Variants in COL25A1 observed in about 807,000 individuals in gnomAD.
COL25A1 encodes the protein collagen alpha-1(XXV) chain.
COL25A1 carries 103 observed loss-of-function variants against 128.4 expected under a neutral mutation model. The observed-to-expected ratio is 0.80, with a 90% CI of 0.68 to 0.94. The LOEUF is 0.94. COL25A1 is among the 40% of genes least tolerant of loss of function. The probability of loss-of-function intolerance (pLI) is 0.00; values close to 1 mark genes in which losing one functional copy is unlikely to be tolerated. For missense variants in COL25A1, 745 were observed against 840.0 expected (o/e 0.89, Z 1.40); for synonymous variants, 279 against 277.2 (o/e 1.01, Z -0.06).
intron 19 of COL25A1, among the ~76,000 whole-genome samples, chr4:108,873,559 T>TAGCAGC (rs1553957387): frequency 1.9e-5 from 2 of 106,234 alleles, no homozygotes; most frequent in African/African-American, 6.0e-5. Context: ...GTAGTAGTAG[T>TAGCAGC]AGCAGCAGTA....
intron 3 of COL25A1, among the ~76,000 whole-genome samples, chr4:109,197,316 A>G (rs1203326744): frequency 7.2e-6 from 1 of 139,792 alleles, no homozygotes; most frequent in Admixed American, 7.8e-5. Context: ...ACAGAGAAAG[A>G]CCCTGTCTCA....
At chr4:109,039,871 T>A (rs1306866378) in intron 5 of COL25A1, among the ~76,000 whole-genome samples, 2 of 152,242 alleles carry the variant, frequency 1.3e-5, no homozygotes, top group Non-Finnish European at 2.9e-5. Context: ...CATCCTTTTT[T>A]CTTTCCTTGA....
At chr4:108,921,699 A>C (rs776915632) in intron 11 of COL25A1, among the ~76,000 whole-genome samples, 21 of 152,192 alleles carry the variant, frequency 1.4e-4, no homozygotes, top group Non-Finnish European at 2.6e-4. Flanking sequence ...TCTGTTCACC[A>C]TGTTATTTTG....
At chr4:108,971,088 A>C (rs1017536656) in intron 8 of COL25A1, among the ~76,000 whole-genome samples, 5 of 152,142 alleles carry the variant, frequency 3.3e-5, no homozygotes, top group East Asian at 1.9e-4. Context: ...GTTCTAGCTC[A>C]AGTGTCACCT....
At position 108,832,400 on chromosome 4, in the gene COL25A1, C is replaced by T; in HGVS notation, c.1690G>A (p.Ala564Thr). Residue 564 changes from alanine to threonine, a missense_variant, in exon 32 of 38, where the codon GCA becomes ACA. Physicochemically the swap from Ala to Thr is moderately conservative, Grantham distance 58. Around this residue, in one of 3 missense-constraint regions of COL25A1, gnomAD observed 387 missense variants for 441.9 expected, o/e 0.88. Coordinates refer to ENST00000399132, the MANE Select transcript of COL25A1 (RefSeq NM_198721.4). Reference protein sequence around the residue: ...TDGPMGPHGPAGPKGERGEKG... With the variant: ...TDGPMGPHGPTGPKGERGEKG... ...CTTACTCTTTCTCCTTTGGGACCTG[C>T]AGGGCCATGGGGTCCCATAGGACCA... The T allele has an allele frequency of 1.2e-6, 2 of 1,611,274 alleles. No homozygotes were observed. The highest frequency in any genetic ancestry group is 2.2e-5 in the South Asian group (2 of 90,688).
At chr4:108,910,613 A>T (rs544083199) in intron 13 of COL25A1, among the ~76,000 whole-genome samples, 27 of 152,294 alleles carry the variant, frequency 1.8e-4, no homozygotes, top group Non-Finnish European at 3.5e-4. Context: ...CACACTCTCG[A>T]CCACTACTAT....
chr4:109,297,627 T>A (rs1207462651), intron 3 of COL25A1, among the ~76,000 whole-genome samples: 1 of 152,142 alleles, frequency 6.6e-6, no homozygotes, highest in African/African-American at 2.4e-5. Context: ...TACAGTGTTC[T>A]AGTCCAAACC....
intron 3 of COL25A1, among the ~76,000 whole-genome samples, chr4:109,154,588 T>C (rs1414193014): frequency 3.3e-5 from 5 of 152,114 alleles, no homozygotes; most frequent in South Asian, 2.1e-4. Context: ...GGCAGGACAG[T>C]TGTTCCTCTC....
At chr4:108,998,448 G>C (rs1755001629) in intron 6 of COL25A1, among the ~76,000 whole-genome samples, 1 of 152,162 alleles carries the variant, frequency 6.6e-6, no homozygotes, top group Non-Finnish European at 1.5e-5. Flanking sequence ...ACAAACCACT[G>C]TTCAATGAAA....
At chr4:109,035,545 G>T (rs927275210) in intron 5 of COL25A1, among the ~76,000 whole-genome samples, 1 of 152,114 alleles carries the variant, frequency 6.6e-6, no homozygotes. Context: ...GGAATTTCTA[G>T]ATAGTATTGG....
chr4:109,009,747 C>T (rs867427223), intron 6 of COL25A1, among the ~76,000 whole-genome samples: 1 of 152,216 alleles, frequency 6.6e-6, no homozygotes, highest in Admixed American at 6.5e-5. Flanking sequence ...TTGAGTTTCT[C>T]GTACTGACTT....
At chr4:109,010,685 T>C (rs915608115) in intron 5 of COL25A1, among the ~76,000 whole-genome samples, 2 of 152,192 alleles carry the variant, frequency 1.3e-5, no homozygotes, top group Non-Finnish European at 2.9e-5. Context: ...AGTATTACTG[T>C]GATGAAGGGG....
intron 11 of COL25A1, among the ~76,000 whole-genome samples, chr4:108,924,042 A>G (rs1456712412): frequency 3.9e-5 from 6 of 152,200 alleles, no homozygotes; most frequent in African/African-American, 1.4e-4. Context: ...ATATTGAGCT[A>G]TATTTCTTTA....
At chr4:109,172,925 C>T (rs900159964) in intron 3 of COL25A1, among the ~76,000 whole-genome samples, 1 of 152,166 alleles carries the variant, frequency 6.6e-6, no homozygotes, top group African/African-American at 2.4e-5. Flanking sequence ...ACAAATACTA[C>T]TTAAAATGTC....
intron 23 of COL25A1, among the ~76,000 whole-genome samples, 164 bp from the exon 24 acceptor site, chr4:108,859,897 C>A (rs576685238): frequency 5.3e-5 from 8 of 152,226 alleles, no homozygotes; most frequent in Admixed American, 1.3e-4. Context: ...CAAAATGTAT[C>A]CTTATCTCAA....
chr4:108,886,442 TTGTGTG>T (rs375825376), intron 18 of COL25A1, among the ~76,000 whole-genome samples: 3,835 of 81,366 alleles, frequency 0.047, 99 homozygotes, highest in Non-Finnish European at 0.069. Flanking sequence ...CTATGAGATT[TTGTGTG>T]TGTGTGTGTG....
chr4:109,059,505 A>G (rs768981225), intron 3 of COL25A1, among the ~76,000 whole-genome samples: 3 of 152,232 alleles, frequency 2.0e-5, no homozygotes, highest in Admixed American at 6.5e-5. Context: ...TTTATTTAAA[A>G]TCTTTGTTTA....
intron 26 of COL25A1, among the ~76,000 whole-genome samples, chr4:108,849,711 C>T (rs1363578559): frequency 3.3e-5 from 5 of 152,188 alleles, no homozygotes; most frequent in African/African-American, 1.2e-4. Flanking sequence ...AAAAACAGCT[C>T]TTCTGAGTGT....
intron 35 of COL25A1, among the ~76,000 whole-genome samples, chr4:108,822,236 G>T (rs1731860953): frequency 6.6e-6 from 1 of 151,546 alleles, no homozygotes; most frequent in South Asian, 2.1e-4. Context: ...TAGAGATGGG[G>T]TTTCGTCATG....
Sources: gnomAD v4.1 joint callset for allele counts (sites outside exome capture counted in the v4.1 genomes callset) on GRCh38, gnomAD v4.1.1 for gene constraint, gnomAD v4.1.1 regional missense constraint, MANE v1.5 for transcripts, NCBI Gene and HGNC (gene_info 2026-07-23, HGNC 2026-07-21) for gene names.